Variants in GRIP1 observed in about 807,000 individuals in gnomAD.
The protein encoded by GRIP1 is glutamate receptor-interacting protein 1.
GRIP1 carries 45 observed loss-of-function variants against 129.9 expected under a neutral mutation model. The observed-to-expected ratio is 0.35, with a 90% CI of 0.27 to 0.44. The LOEUF is 0.44. GRIP1 is among the 20% of genes least tolerant of loss of function. GRIP1 has a pLI of 1.00. For synonymous variants in GRIP1, 530 were observed against 520.8 expected (o/e 1.02, Z -0.24); for missense variants, 1,196 against 1,396.8 (o/e 0.86, Z 2.29).
intron 1 of GRIP1, among the ~76,000 whole-genome samples, chr12:66,620,921 C>T (rs73325161): frequency 0.022 from 3,333 of 152,166 alleles, 147 homozygotes; most frequent in African/African-American, 0.076. Context: ...TTCACTTTTC[C>T]TGCCCAAACT....
chr12:66,649,583 G>A (rs1304919130), intron 1 of GRIP1, among the ~76,000 whole-genome samples: 1 of 152,178 alleles, frequency 6.6e-6, no homozygotes, highest in African/African-American at 2.4e-5. Flanking sequence ...AAAGATAAAA[G>A]CAGCACATGA....
chr12:66,701,625 A>G (rs1200676763), intron 1 of GRIP1, among the ~76,000 whole-genome samples: 1 of 152,148 alleles, frequency 6.6e-6, no homozygotes, highest in Non-Finnish European at 1.5e-5. Context: ...GATTCCTCCT[A>G]TTATCCACAG....
At chr12:66,712,073 G>A (rs2035730371) in intron 1 of GRIP1, among the ~76,000 whole-genome samples, 1 of 151,846 alleles carries the variant, frequency 6.6e-6, no homozygotes, top group African/African-American at 2.4e-5. Context: ...AGAAACATGG[G>A]TGCTATCAAA....
chr12:66,866,004 A>G (rs2040199035), intron 1 of GRIP1, among the ~76,000 whole-genome samples: 1 of 152,154 alleles, frequency 6.6e-6, no homozygotes, highest in Non-Finnish European at 1.5e-5. Flanking sequence ...AGAAGAAGAC[A>G]AATAACCAAA....
chr12:66,635,037 C>A (rs2031217997), intron 1 of GRIP1, among the ~76,000 whole-genome samples: 1 of 152,184 alleles, frequency 6.6e-6, no homozygotes, highest in South Asian at 2.1e-4. Flanking sequence ...TAATCTGTGA[C>A]CTCTAATGGT....
chr12:66,564,971 G>T (rs1381709858), intron 2 of GRIP1, among the ~76,000 whole-genome samples: 1 of 151,770 alleles, frequency 6.6e-6, no homozygotes, highest in African/African-American at 2.4e-5. Flanking sequence ...TTTTGATGGG[G>T]TTGATTTTTT....
At chr12:66,529,808 A>T (rs779330164) in intron 5 of GRIP1, 23 bp downstream of exon 5, 3 of 1,289,324 alleles carry the variant, frequency 2.3e-6, no homozygotes, top group Non-Finnish European at 3.4e-6. Context: ...TTTTTAAAGT[A>T]GATTTTTCTA....
chr12:66,985,502 C>T (rs1183871574), intron 1 of GRIP1, among the ~76,000 whole-genome samples: 1 of 151,964 alleles, frequency 6.6e-6, no homozygotes. Flanking sequence ...TTTAAATTTC[C>T]TTCTATCATA....
chr12:66,502,450 A>G (rs955919937), intron 7 of GRIP1, among the ~76,000 whole-genome samples: 1 of 152,200 alleles, frequency 6.6e-6, no homozygotes, highest in Non-Finnish European at 1.5e-5. Context: ...CAGGAATTTG[A>G]AAGTGGTTAT....
At chr12:66,658,547 C>G (rs2033305082) in intron 1 of GRIP1, among the ~76,000 whole-genome samples, 1 of 151,532 alleles carries the variant, frequency 6.6e-6, no homozygotes, top group Non-Finnish European at 1.5e-5. Flanking sequence ...TGCCACTGCA[C>G]TCCAGGCTGG....
rs2057192456 is a variant in GRIP1, at chr12:66,406,426, G to T, written c.1841C>A (p.Thr614Asn). ...DIKKGSVAHRTGTLELGDKLL... is the reference protein window; with the variant it reads ...DIKKGSVAHRNGTLELGDKLL... ...TTTATCCCCAAGTTCCAGGGTCCCA[G>T]TTCTGTTAGTGAATGCAAAGTAACA... Residue 614 changes from threonine (T) to asparagine (N), a missense_variant and splice_region_variant, in exon 16 of 25, where the codon ACT becomes AAT. By Grantham distance (65) the Thr-to-Asn change is moderately conservative. Around this residue, in one of 5 missense-constraint regions of GRIP1, gnomAD observed 508 missense variants for 587.0 expected, o/e 0.87. Transcript: ENST00000359742. 6.2e-7 allele frequency: 1 copy of T among 1,613,940 alleles called. No individual in the cohort carries two copies.
chr12:66,384,254 G>T (rs1353582063), intron 19 of GRIP1, among the ~76,000 whole-genome samples: 1 of 152,120 alleles, frequency 6.6e-6, no homozygotes, highest in Admixed American at 6.6e-5. Flanking sequence ...GATTCTGGCT[G>T]CAGGACCAAT....
chr12:66,597,239 T>C (rs61926084), intron 1 of GRIP1, among the ~76,000 whole-genome samples: 11,064 of 152,250 alleles, frequency 0.073, 491 homozygotes, highest in East Asian at 0.11. Flanking sequence ...TACAAATTAT[T>C]TGTCACCTAC....
intron 7 of GRIP1, among the ~76,000 whole-genome samples, chr12:66,504,762 C>T (rs1057364738): frequency 6.6e-6 from 1 of 152,012 alleles, no homozygotes; most frequent in African/African-American, 2.4e-5. Flanking sequence ...CCAAGAATAT[C>T]CAGAGAAAGA....
chr12:66,503,027 G>T (rs984136860), intron 7 of GRIP1, among the ~76,000 whole-genome samples: 9 of 152,124 alleles, frequency 5.9e-5, no homozygotes, highest in African/African-American at 2.2e-4. Flanking sequence ...TGATGGTTTG[G>T]CAGTTATCAC....
chr12:66,724,070 A>T (rs1289698408), intron 1 of GRIP1, among the ~76,000 whole-genome samples: 2 of 152,186 alleles, frequency 1.3e-5, no homozygotes, highest in African/African-American at 4.8e-5. Flanking sequence ...ATTAGTACCC[A>T]ATTACATTTA....
intron 1 of GRIP1, among the ~76,000 whole-genome samples, chr12:66,748,443 A>G (rs1204927204): frequency 6.6e-6 from 1 of 152,200 alleles, no homozygotes; most frequent in Non-Finnish European, 1.5e-5. Context: ...AAATAAGGGT[A>G]ATAGTAATCC....
chr12:66,797,210 A>T (rs2038725284), intron 1 of GRIP1, among the ~76,000 whole-genome samples: 1 of 152,094 alleles, frequency 6.6e-6, no homozygotes, highest in Non-Finnish European at 1.5e-5. Flanking sequence ...GTACATGGGG[A>T]AGTTGTGTGT....
chr12:66,708,906 T>C (rs192765421), intron 1 of GRIP1, among the ~76,000 whole-genome samples: 4 of 151,980 alleles, frequency 2.6e-5, no homozygotes, highest in African/African-American at 7.2e-5. Flanking sequence ...AAAAAATTTT[T>C]GTCAAGAAGT....
Sources: gnomAD v4.1 joint callset for allele counts (sites outside exome capture counted in the v4.1 genomes callset) on GRCh38, gnomAD v4.1.1 for gene constraint, gnomAD v4.1.1 regional missense constraint, MANE v1.5 for transcripts, NCBI Gene and HGNC (gene_info 2026-07-23, HGNC 2026-07-21) for gene names.